Variants in ZNF567 observed in about 807,000 individuals in gnomAD.
The protein encoded by ZNF567 is zinc finger protein 567.
A neutral mutation model predicts 53.9 loss-of-function variants in ZNF567; 36 were observed. That is an observed-to-expected ratio of 0.67 (90% confidence interval 0.51 to 0.88). ZNF567 has a LOEUF of 0.88. ZNF567 is among the 40% of genes least tolerant of loss of function. The pLI, the probability that ZNF567 is intolerant of heterozygous loss-of-function variation, is 0.00. For synonymous variants in ZNF567, 224 were observed against 260.4 expected (o/e 0.86, Z 1.35); for missense variants, 619 against 764.7 (o/e 0.81, Z 2.25).
intron 3 of ZNF567, among the ~76,000 whole-genome samples, chr19:36,698,115 C>T (rs1276453610): frequency 6.6e-6 from 1 of 152,008 alleles, no homozygotes; most frequent in Non-Finnish European, 1.5e-5. Context: ...TGATGTTCCC[C>T]TTCCTGTGTC....
the ZNF567 span, among the ~76,000 whole-genome samples, chr19:36,674,729 G>A: frequency 5.5e-3 from 840 of 152,144 alleles, 23 homozygotes; most frequent in Admixed American, 0.037. Flanking sequence ...TTTAGAATAT[G>A]CTTAGCTGTA....
At chr19:36,697,756 C>T (rs1245527645) in intron 3 of ZNF567, among the ~76,000 whole-genome samples, 1 of 151,824 alleles carries the variant, frequency 6.6e-6, no homozygotes, top group African/African-American at 2.4e-5. Flanking sequence ...GGATTACAGG[C>T]ATGCACCACC....
In ZNF567 at chr19:36,705,161, A is replaced by G. The variant is rs73038133; in HGVS notation, c.10-7225A>G. On this transcript the variant is annotated intron_variant, in intron 3 of 5. Transcript: ENST00000682579. ...AAGTACCACAGCAGCTTTTAGTTTC[A>G]TGGATTTCTTCTAGTATTTTTGTTA... 5.9e-3 allele frequency among the ~76,000 whole-genome samples: 904 copies of G among 152,140 alleles called. 8 individuals carry two copies. The highest frequency in any genetic ancestry group is 0.01 in the Non-Finnish European group (693 of 67,966).
At chr19:36,668,986 A>G in the ZNF567 span, 3 of 152,122 alleles carry the variant, frequency 2.0e-5, no homozygotes, top group African/African-American at 7.2e-5. Flanking sequence ...TCTGTACTGA[A>G]CTTGTACAGG....
At chr19:36,678,469 G>A in the ZNF567 span, among the ~76,000 whole-genome samples, 1 of 152,136 alleles carries the variant, frequency 6.6e-6, no homozygotes, top group African/African-American at 2.4e-5. Flanking sequence ...CAAAGATTAG[G>A]AGAAAATACT....
intron 3 of ZNF567, among the ~76,000 whole-genome samples, chr19:36,699,764 A>G (rs1367039189): frequency 6.6e-6 from 1 of 151,752 alleles, no homozygotes; most frequent in African/African-American, 2.4e-5. Context: ...ATTTTTGTAC[A>G]TTGATTTTGT....
intron 1 of ZNF567, among the ~76,000 whole-genome samples, chr19:36,689,165 T>C (rs2145522385): frequency 6.6e-6 from 1 of 151,786 alleles, no homozygotes; most frequent in East Asian, 1.9e-4. Context: ...CTTAAATGAA[T>C]AGAATACCAC....
intron 1 of ZNF567, among the ~76,000 whole-genome samples, chr19:36,688,380 G>T (rs2038379955): frequency 6.6e-6 from 1 of 152,126 alleles, no homozygotes; most frequent in Admixed American, 6.5e-5. Flanking sequence ...GCATTGTTTA[G>T]ATTGATTTAT....
rs2040268515 is a variant in ZNF567 at position 36,720,620 on chromosome 19, C to T, written c.1896C>T (p.Leu632=). 4 of 1,578,634 alleles carry T rather than the reference C, an allele frequency of 2.5e-6. No individual in the cohort carries two copies. Among genetic ancestry groups the T allele is most frequent in the Non-Finnish European group, 3.4e-6 (4 of 1,164,044 alleles). ...CGKSFSYKRN[L]IVHQRTHKGE... is the part of the protein sequence containing the mutation. ...AGTCTTTCAGTTATAAGAGAAACCTCATTGTCCATCAAAGAACTCACAAGG... is the reference window on the plus strand; with the variant it reads ...AGTCTTTCAGTTATAAGAGAAACCTTATTGTCCATCAAAGAACTCACAAGG... The change falls in exon 6 of 6, where the codon CTC becomes CTT. Residue 632 remains leucine, a synonymous_variant. Transcript: ENST00000682579.
rs528474482 is a variant in ZNF567, at chr19:36,713,982, C to A, written c.223+1115C>A. On this transcript the variant is annotated intron_variant, in intron 5 of 5. Transcript: ENST00000682579. Reference sequence around the variant, plus strand: ...ATATATCACTCTCCCCAAATACATTCTTTCCTAGTTTGCTTCATATTATCA... The same window carrying A: ...ATATATCACTCTCCCCAAATACATTATTTCCTAGTTTGCTTCATATTATCA... Among the ~76,000 whole-genome samples, 7 of 152,274 alleles carry A rather than the reference C, an allele frequency of 4.6e-5. No individual in the cohort carries two copies. The South Asian group carries it at 1.4e-3, about 32-fold the overall frequency.
chr19:36,688,192 C>T (rs191379885), intron 1 of ZNF567, among the ~76,000 whole-genome samples: 1 of 152,096 alleles, frequency 6.6e-6, no homozygotes, highest in African/African-American at 2.4e-5. Flanking sequence ...TGTAGAAGTT[C>T]TGTGAAATTG....
chr19:36,683,781 G>A (rs1471356454), upstream of ZNF567, among the ~76,000 whole-genome samples: 3 of 152,078 alleles, frequency 2.0e-5, no homozygotes, highest in Admixed American at 6.6e-5. Context: ...GCAGTAAGCC[G>A]AGATCATGCC....
At chr19:36,718,851 GTC>G in intron 5 of ZNF567, 95 bp from the exon 6 acceptor site, 2 of 981,342 alleles carry the variant, frequency 2.0e-6, no homozygotes, top group Non-Finnish European at 1.5e-6. Context: ...TTTGTTCTGA[GTC>G]TCTTTTTGCG....
chr19:36,691,712 T>C (rs889840958), intron 2 of ZNF567, among the ~76,000 whole-genome samples: 1 of 152,220 alleles, frequency 6.6e-6, no homozygotes, highest in African/African-American at 2.4e-5. Flanking sequence ...AAAGGAGTCA[T>C]GCAGAATGTA....
chr19:36,722,500 C>T (rs1430280330), downstream of ZNF567, among the ~76,000 whole-genome samples: 2 of 152,080 alleles, frequency 1.3e-5, no homozygotes, highest in East Asian at 1.9e-4. Flanking sequence ...CAGGGTTTCA[C>T]TGTGTTGGCC....
downstream of ZNF567, among the ~76,000 whole-genome samples, chr19:36,724,109 C>T (rs1050289645): frequency 1.4e-5 from 2 of 147,838 alleles, no homozygotes; most frequent in East Asian, 2.1e-4. Flanking sequence ...TGGGTTCAAG[C>T]GATTCTCCCA....
At chr19:36,702,300 AG>A (rs1204422446) in intron 3 of ZNF567, among the ~76,000 whole-genome samples, 2 of 152,096 alleles carry the variant, frequency 1.3e-5, no homozygotes, top group African/African-American at 2.4e-5. Context: ...ATCCGCTGTT[AG>A]TCTGATGGGC....
chr19:36,700,727 C>T (rs946906258), intron 3 of ZNF567, among the ~76,000 whole-genome samples: 6 of 151,974 alleles, frequency 3.9e-5, no homozygotes, highest in East Asian at 3.9e-4. Flanking sequence ...TTTGTAGTAT[C>T]CTCTGATGGT....
intron 3 of ZNF567, among the ~76,000 whole-genome samples, chr19:36,701,048 T>C (rs1346045719): frequency 6.6e-6 from 1 of 152,096 alleles, no homozygotes; most frequent in Non-Finnish European, 1.5e-5. Flanking sequence ...CTGCTTTCTC[T>C]TGTGGGCATT....
Sources: allele counts gnomAD v4.1 joint callset (sites outside exome capture counted in the v4.1 genomes callset), GRCh38; gene constraint gnomAD v4.1.1; transcripts MANE v1.5; gene names NCBI Gene and HGNC (gene_info 2026-07-23, HGNC 2026-07-21).